Variants in AFF3 observed in about 807,000 individuals in gnomAD.
AFF3 encodes ALF transcription elongation factor 3.
Under a neutral mutation model 129.7 loss-of-function variants are expected in AFF3, and 32 were observed. The observed-to-expected ratio is 0.25, with a 90% CI of 0.19 to 0.33. The LOEUF is 0.33. Among genes scored for constraint, AFF3 ranks in the 10% least tolerant of loss-of-function variants. The pLI is 1.00. For missense variants in AFF3, 1,373 were observed against 1,592.0 expected (o/e 0.86, Z 2.34); for synonymous variants, 644 against 635.4 (o/e 1.01, Z -0.20).
intron 4 of AFF3, among the ~76,000 whole-genome samples, chr2:100,026,806 T>C (rs759347092): frequency 4.4e-4 from 66 of 151,492 alleles, no homozygotes; most frequent in Non-Finnish European, 7.5e-4. Context: ...TGGGGATTAT[T>C]GTTCTAAGTG....
At chr2:99,745,656 T>G (rs1681096741) in intron 9 of AFF3, among the ~76,000 whole-genome samples, 1 of 152,302 alleles carries the variant, frequency 6.6e-6, no homozygotes, top group African/African-American at 2.4e-5. Flanking sequence ...TAACACTCTA[T>G]TAAACAACTG....
chr2:99,987,576 C>T (rs1400946263), intron 7 of AFF3, among the ~76,000 whole-genome samples: 1 of 152,138 alleles, frequency 6.6e-6, no homozygotes, highest in Non-Finnish European at 1.5e-5. Context: ...TGGCTGGGGG[C>T]ATTTGTTTTC....
chr2:100,067,666 T>C (rs1373927445), intron 4 of AFF3, among the ~76,000 whole-genome samples: 1 of 152,194 alleles, frequency 6.6e-6, no homozygotes, highest in Non-Finnish European at 1.5e-5. Flanking sequence ...TAGCACATTT[T>C]TCTAGATATC....
intron 7 of AFF3, among the ~76,000 whole-genome samples, chr2:99,997,883 C>T (rs1405331505): frequency 6.6e-6 from 1 of 152,208 alleles, no homozygotes; most frequent in African/African-American, 2.4e-5. Flanking sequence ...CTCCTGCTCA[C>T]ATCTCAATGT....
chr2:99,723,611 C>T (rs1679100283), intron 11 of AFF3, among the ~76,000 whole-genome samples: 1 of 152,152 alleles, frequency 6.6e-6, no homozygotes, highest in Non-Finnish European at 1.5e-5. Context: ...TTTACTTAGG[C>T]TGTCTCCCCT....
chr2:99,614,627 C>T (rs188864972), intron 13 of AFF3, among the ~76,000 whole-genome samples: 26 of 152,354 alleles, frequency 1.7e-4, no homozygotes, highest in Admixed American at 1.4e-3. Flanking sequence ...CTTAGAGGGG[C>T]GCTTTGGCTT....
rs181987363 is a variant in AFF3 at position 99,763,346 on chromosome 2, C to T, written c.922-11045G>A. Among the ~76,000 whole-genome samples the T allele has an allele frequency of 4.6e-3, 704 of 152,254 alleles. 6 individuals are homozygous for T. The highest frequency in any genetic ancestry group is 0.015 in the African/African-American group (622 of 41,542). On this transcript the variant is annotated intron_variant, in intron 8 of 24. Coordinates refer to ENST00000672756, the MANE Select transcript of AFF3 (RefSeq NM_001386135.1). ...ACTCTACAGTAAAAAACAAACAAAC[C>T]TGTATAGTTTGAAAAATAATAAATA...
intron 8 of AFF3, among the ~76,000 whole-genome samples, chr2:99,762,386 A>G (rs1177740752): frequency 6.6e-6 from 1 of 152,060 alleles, no homozygotes; most frequent in African/African-American, 2.4e-5. Context: ...TGGCCTCCCA[A>G]AGTGCTGGGA....
At chr2:100,077,524 G>A (rs1268384343) in intron 4 of AFF3, among the ~76,000 whole-genome samples, 1 of 152,156 alleles carries the variant, frequency 6.6e-6, no homozygotes, top group Non-Finnish European at 1.5e-5. Flanking sequence ...GAAACCCACT[G>A]TGGACTTCTG....
rs549130991 is a variant in AFF3 at position 99,643,936 on chromosome 2, CA to C, written c.1184+5689del. ...TGAGAAAGGGCAAAACTGAGGGCAG[CA>C]AATGTGTAAGCCTTGTGAGTCCTTT... On this transcript the variant is annotated intron_variant, in intron 13 of 24. Coordinates refer to ENST00000672756, the MANE Select transcript of AFF3 (RefSeq NM_001386135.1). Among the ~76,000 whole-genome samples the C allele has an allele frequency of 5.8e-3, 880 of 152,298 alleles. 7 individuals carry two copies. Among genetic ancestry groups the C allele is most frequent in the African/African-American group, 0.02 (819 of 41,560 alleles).
At chr2:100,016,572 A>T (rs1305572007) in intron 4 of AFF3, among the ~76,000 whole-genome samples, 4 of 145,028 alleles carry the variant, frequency 2.8e-5, no homozygotes, top group East Asian at 2.1e-4. Context: ...GGTGGTGAAC[A>T]TGTTAGTGAC....
At chr2:99,636,032 A>G (rs1575565265) in intron 13 of AFF3, among the ~76,000 whole-genome samples, 1 of 152,172 alleles carries the variant, frequency 6.6e-6, no homozygotes, top group Admixed American at 6.5e-5. Flanking sequence ...CTGTAATTCC[A>G]TTAAATAGTT....
chr2:99,870,943 T>G (rs1691827872), intron 7 of AFF3, among the ~76,000 whole-genome samples: 1 of 152,202 alleles, frequency 6.6e-6, no homozygotes, highest in Non-Finnish European at 1.5e-5. Flanking sequence ...AATATAAGAT[T>G]ATTCTCCTCA....
chr2:99,924,669 T>C (rs1696095304), intron 7 of AFF3, among the ~76,000 whole-genome samples: 1 of 152,224 alleles, frequency 6.6e-6, no homozygotes, highest in Admixed American at 6.5e-5. Flanking sequence ...TTCTCCAGTC[T>C]GTCACATTAC....
At chr2:99,931,336 G>GT (rs543187159) in intron 7 of AFF3, among the ~76,000 whole-genome samples, 51 of 152,318 alleles carry the variant, frequency 3.3e-4, no homozygotes, top group African/African-American at 1.2e-3. Context: ...TGGTGCAAAA[G>GT]TAACTGCAGC....
chr2:99,894,150 C>T (rs1693765421), intron 7 of AFF3, among the ~76,000 whole-genome samples: 2 of 149,878 alleles, frequency 1.3e-5, no homozygotes, highest in South Asian at 4.2e-4. Context: ...ATGGGTTAAA[C>T]AGGATGTTCC....
At chr2:99,790,345 G>A (rs1488773024) in intron 8 of AFF3, among the ~76,000 whole-genome samples, 1 of 152,198 alleles carries the variant, frequency 6.6e-6, no homozygotes, top group Non-Finnish European at 1.5e-5. Context: ...AACTACCACA[G>A]GCTTTCAACA....
chr2:99,662,483 T>C (rs946534713), intron 12 of AFF3, among the ~76,000 whole-genome samples: 1 of 152,218 alleles, frequency 6.6e-6, no homozygotes, highest in South Asian at 2.1e-4. Flanking sequence ...GTATGGTCCA[T>C]TGGGGCAAGG....
At chr2:99,772,255 C>A (rs1027287879) in intron 8 of AFF3, among the ~76,000 whole-genome samples, 1 of 152,178 alleles carries the variant, frequency 6.6e-6, no homozygotes, top group Non-Finnish European at 1.5e-5. Context: ...AAATGGGGAG[C>A]TTTGTTCTGA....
Sources: gnomAD v4.1 joint callset for allele counts (sites outside exome capture counted in the v4.1 genomes callset) on GRCh38, gnomAD v4.1.1 for gene constraint, MANE v1.5 for transcripts, NCBI Gene and HGNC (gene_info 2026-07-23, HGNC 2026-07-21) for gene names.